The following ADCYAP1R1 variants were observed in gnomAD, a reference collection of about 807,000 sequenced individuals.
The protein encoded by ADCYAP1R1 is ADCYAP receptor type I, also known as pituitary adenylate cyclase-activating polypeptide type I receptor.
A neutral mutation model predicts 67.6 loss-of-function variants in ADCYAP1R1; 44 were observed. That is an observed-to-expected ratio of 0.65 (90% CI 0.51 to 0.84). The LOEUF (loss-of-function observed/expected upper bound fraction) is 0.84, where lower values mean the gene tolerates loss of function less well. Among genes scored for constraint, ADCYAP1R1 ranks in the 40% least tolerant of loss-of-function variants. The pLI, the probability that ADCYAP1R1 is intolerant of heterozygous loss-of-function variation, is 0.00. For synonymous variants in ADCYAP1R1, 222 were observed against 219.6 expected (o/e 1.01, Z -0.10); for missense variants, 477 against 587.9 (o/e 0.81, Z 1.95).
chr7:31,060,409 T>A (rs1042870440), intron 1 of ADCYAP1R1, among the ~76,000 whole-genome samples: 1 of 152,220 alleles, frequency 6.6e-6, no homozygotes, highest in African/African-American at 2.4e-5. Context: ...TGAATTGTCA[T>A]GTGCTTACAT....
chr7:31,091,681 G>C (rs189152569), intron 12 of ADCYAP1R1, among the ~76,000 whole-genome samples: 1 of 152,024 alleles, frequency 6.6e-6, no homozygotes, highest in Non-Finnish European at 1.5e-5. Flanking sequence ...TCCTTTCCCC[G>C]TTGCTTATTT....
chr7:31,052,881 G>A (rs1794075986), intron 1 of ADCYAP1R1, among the ~76,000 whole-genome samples: 1 of 152,156 alleles, frequency 6.6e-6, no homozygotes, highest in South Asian at 2.1e-4. Context: ...CCGCCGCTGC[G>A]CCCTTCCTGC....
chr7:31,068,086 G>A (rs1794817310), intron 3 of ADCYAP1R1, among the ~76,000 whole-genome samples: 1 of 152,190 alleles, frequency 6.6e-6, no homozygotes, highest in South Asian at 2.1e-4. Context: ...GTGGAGAGAA[G>A]CGTTCCGCTG....
In ADCYAP1R1 at chr7:31,074,594, T is replaced by C. The variant is rs569761941; in HGVS notation, c.158-3397T>C. On this transcript the variant is annotated intron_variant, in intron 3 of 15. Coordinates refer to ENST00000304166, the MANE Select transcript of ADCYAP1R1 (RefSeq NM_001118.5). ...CTGTGCCTGAGCCTAATGTTCTCCA[T>C]TAAGGGAACATCTGTTGGCTGGGGC... Among the ~76,000 whole-genome samples, 7 of 152,326 alleles carry C rather than the reference T, an allele frequency of 4.6e-5. No homozygotes were observed. In the South Asian group the frequency reaches 1.5e-3, roughly 32 times the overall value.
chr7:31,072,937 G>A (rs375208303), intron 3 of ADCYAP1R1, among the ~76,000 whole-genome samples: 1 of 152,202 alleles, frequency 6.6e-6, no homozygotes, highest in African/African-American at 2.4e-5. Flanking sequence ...CAAAGAGGGA[G>A]GAAGGGGCCA....
At chr7:31,101,460 T>C (rs923909793) in intron 13 of ADCYAP1R1, among the ~76,000 whole-genome samples, 2 of 152,166 alleles carry the variant, frequency 1.3e-5, no homozygotes, top group African/African-American at 4.8e-5. Context: ...TGGGGCCAGC[T>C]TCCTTTCCTG....
At chr7:31,083,476 G>T (rs111453494) in intron 6 of ADCYAP1R1, among the ~76,000 whole-genome samples, 7,063 of 152,230 alleles carry the variant, frequency 0.046, 196 homozygotes, top group East Asian at 0.11. Context: ...GTACATTAGT[G>T]ACAGGAAACA....
At chr7:31,098,700 GGGC>G (rs1796306311) in intron 13 of ADCYAP1R1, among the ~76,000 whole-genome samples, 1 of 77,820 alleles carries the variant, frequency 1.3e-5, no homozygotes. Flanking sequence ...AGATGCAGCG[GGGC>G]GGGGGGGGGG....
intron 3 of ADCYAP1R1, 62 bp from the exon 4 acceptor site, chr7:31,077,928 TG>T: frequency 9.2e-7 from 1 of 1,086,616 alleles, no homozygotes; most frequent in Non-Finnish European, 1.4e-6. Context: ...GTGATGTGTG[TG>T]GTGGTGTGTG....
intron 12 of ADCYAP1R1, 102 bp downstream of exon 12, chr7:31,087,798 T>C (rs2128631787): frequency 2.4e-6 from 2 of 842,408 alleles, no homozygotes; most frequent in Admixed American, 4.7e-5. Flanking sequence ...CCTGACTTCC[T>C]CCTCTGTCAT....
intron 6 of ADCYAP1R1, among the ~76,000 whole-genome samples, chr7:31,083,598 G>A (rs1795604654): frequency 6.6e-6 from 1 of 152,202 alleles, no homozygotes; most frequent in South Asian, 2.1e-4. Context: ...AGCAAGCCCT[G>A]TGTCCCCTTG....
chr7:31,088,718 G>A (rs573530421), intron 12 of ADCYAP1R1, among the ~76,000 whole-genome samples: 88 of 152,230 alleles, frequency 5.8e-4, no homozygotes, highest in Non-Finnish European at 1.1e-3. Context: ...TGTTACTAAT[G>A]TATTTGTCCA....
At chr7:31,070,174 A>G (rs1480755296) in intron 3 of ADCYAP1R1, among the ~76,000 whole-genome samples, 7 of 152,210 alleles carry the variant, frequency 4.6e-5, no homozygotes, top group Non-Finnish European at 1.0e-4. Context: ...GGGAATTGGC[A>G]TCTCCAGGCC....
At chr7:31,100,304 G>A (rs1476276349) in intron 13 of ADCYAP1R1, 1 of 1,137,676 alleles carries the variant, frequency 8.8e-7, no homozygotes, top group Non-Finnish European at 1.2e-6. Context: ...TGGAGAGCCA[G>A]CCTCTGCCTC....
chr7:31,103,944 A>G (rs1381618434), intron 14 of ADCYAP1R1, among the ~76,000 whole-genome samples: 2 of 152,240 alleles, frequency 1.3e-5, no homozygotes, highest in Non-Finnish European at 2.9e-5. Flanking sequence ...AGGTGGATGA[A>G]GGCAGGGGCA....
At chr7:31,058,043 G>T (rs1382171077) in intron 1 of ADCYAP1R1, among the ~76,000 whole-genome samples, 2 of 152,210 alleles carry the variant, frequency 1.3e-5, no homozygotes, top group African/African-American at 4.8e-5. Flanking sequence ...ACACACCCCT[G>T]TGTGGGCTTA....
intron 3 of ADCYAP1R1, among the ~76,000 whole-genome samples, chr7:31,067,218 A>G (rs1366703531): frequency 6.6e-6 from 1 of 152,134 alleles, no homozygotes; most frequent in African/African-American, 2.4e-5. Context: ...ACGATCTGCT[A>G]AGGAGAGGAT....
chr7:31,106,665 C>T lies in ADCYAP1R1; in HGVS notation c.1388C>T (p.Ala463Val). ...SSQIRMSGLPADNLAT is the reference protein window; with the variant it reads ...SSQIRMSGLPVDNLAT ...CAAATCCGCATGTCTGGCCTCCCTG[C>T]TGACAATCTGGCCACCTGAGCCATG... is the stretch of plus-strand genomic sequence containing the variant. Residue 463 changes from alanine (A) to valine (V), a missense_variant, in exon 16 of 16, where the codon GCT (alanine) becomes GTT (valine). Ala to Val is a moderately conservative substitution (Grantham distance 64). Coordinates refer to ENST00000304166, the MANE Select transcript of ADCYAP1R1 (RefSeq NM_001118.5). 1 of 1,609,876 alleles carries T rather than the reference C, an allele frequency of 6.2e-7. No individual in the cohort carries two copies. Among genetic ancestry groups the T allele is most frequent in the Non-Finnish European group, 8.5e-7 (1 of 1,177,876 alleles).
rs1044739095 is a variant in ADCYAP1R1, at chr7:31,103,524, T to C, written c.1176+158T>C. On this transcript the variant is annotated intron_variant, in intron 14 of 15. Coordinates refer to ENST00000304166, the MANE Select transcript of ADCYAP1R1 (RefSeq NM_001118.5). ...GTCTGCTGTCTACCCTTAGGGCTCC[T>C]GTAAGAAGACACACTGGTGTCTGCC... 2.0e-5 allele frequency among the ~76,000 whole-genome samples: 3 copies of C among 152,140 alleles called. No homozygotes were observed. In the East Asian group the frequency reaches 5.8e-4, roughly 29 times the overall value.
Sources: gnomAD v4.1 joint callset for allele counts (sites outside exome capture counted in the v4.1 genomes callset) on GRCh38, gnomAD v4.1.1 for gene constraint, MANE v1.5 for transcripts, NCBI Gene and HGNC (gene_info 2026-07-23, HGNC 2026-07-21) for gene names.